The following RORA variants were observed in gnomAD, a reference collection of about 807,000 sequenced individuals.
RORA encodes the protein RAR related orphan receptor A.
In RORA, 7 loss-of-function variants were observed where a neutral mutation model predicts 69.5. The ratio of observed to expected loss-of-function variants is 0.10; its 90% confidence interval spans 0.06 to 0.19. The LOEUF is 0.19. RORA is among the 10% of genes least tolerant of loss of function. RORA has a pLI of 1.00. For synonymous variants in RORA, 261 were observed against 240.8 expected (o/e 1.08, Z -0.78); for missense variants, 457 against 663.0 (o/e 0.69, Z 3.41).
chr15:60,500,743 G>A (rs7183916), intron 9 of RORA, among the ~76,000 whole-genome samples: 113,930 of 152,094 alleles, frequency 0.75, 43,739 homozygotes, highest in East Asian at 0.95. Context: ...CATTTTGTCT[G>A]AAAGGCATGA....
chr15:61,164,061 T>C (rs2079519909), intron 1 of RORA, among the ~76,000 whole-genome samples: 1 of 152,080 alleles, frequency 6.6e-6, no homozygotes, highest in African/African-American at 2.4e-5. Flanking sequence ...CAACTGGAGG[T>C]TTCATCTCTC....
intron 1 of RORA, among the ~76,000 whole-genome samples, chr15:60,955,471 A>G (rs1893239956): frequency 1.3e-5 from 2 of 152,218 alleles, no homozygotes; most frequent in Non-Finnish European, 2.9e-5. Context: ...GCAGACCTCC[A>G]TAAGACCTCC....
intron 1 of RORA, among the ~76,000 whole-genome samples, chr15:60,782,455 A>G (rs1244415023): frequency 1.3e-5 from 2 of 152,220 alleles, no homozygotes; most frequent in Non-Finnish European, 2.9e-5. Context: ...GGACAGCAGA[A>G]TAAACAAATA....
In RORA at chr15:60,506,561, G is replaced by T. The variant is rs1393719315; in HGVS notation, c.821-932C>A. On this transcript the variant is annotated intron_variant, in intron 5 of 10. Coordinates refer to ENST00000335670, the MANE Select transcript of RORA (RefSeq NM_134261.3). ...AAAAGTAATTGAAGCTGTCAGAAAA[G>T]GAAGAGATTGGCTGGGTGTGGTGGC... is the stretch of plus-strand genomic sequence containing the variant. Among the ~76,000 whole-genome samples the T allele has an allele frequency of 4.6e-5, 7 of 152,134 alleles. No individual in the cohort carries two copies. The South Asian group carries it at 1.2e-3, about 27-fold the overall frequency.
In RORA at chr15:60,815,804, A is replaced by C. The variant is rs186775955; in HGVS notation, c.167-137118T>G. Among the ~76,000 whole-genome samples, 800 of 151,400 alleles carry C rather than the reference A, an allele frequency of 5.3e-3. 2 individuals are homozygous for C. Among genetic ancestry groups the C allele is most frequent in the Non-Finnish European group, 8.7e-3 (588 of 67,872 alleles). On this transcript the variant is annotated intron_variant, in intron 1 of 10. Transcript: ENST00000335670. ...TTCCTCCATTCTGATCTTTTAAAAA[A>C]AATTTTATATTTCATTGACAATAAT...
chr15:60,725,099 A>G (rs1265207290), intron 1 of RORA, among the ~76,000 whole-genome samples: 4 of 152,202 alleles, frequency 2.6e-5, no homozygotes, highest in Non-Finnish European at 5.9e-5. Context: ...GCGATTATAA[A>G]ATTGACTTAA....
intron 1 of RORA, among the ~76,000 whole-genome samples, chr15:61,050,712 C>T (rs1317807163): frequency 1.3e-5 from 2 of 152,168 alleles, no homozygotes; most frequent in African/African-American, 2.4e-5. Flanking sequence ...CCTTCTCCTG[C>T]GATAAGAGTA....
At chr15:61,040,151 T>G (rs1896684461) in intron 1 of RORA, among the ~76,000 whole-genome samples, 1 of 112,010 alleles carries the variant, frequency 8.9e-6, no homozygotes, top group African/African-American at 3.2e-5. Flanking sequence ...TATATATATA[T>G]ATATATATAT....
At chr15:60,513,986 A>G (rs4775276) in intron 4 of RORA, among the ~76,000 whole-genome samples, 79,493 of 152,134 alleles carry the variant, frequency 0.52, 22,677 homozygotes, top group East Asian at 0.85. Context: ...TTGATTATTC[A>G]GTGCACTTAA....
intron 2 of RORA, among the ~76,000 whole-genome samples, chr15:60,573,374 C>T (rs1003906281): frequency 3.3e-5 from 5 of 152,180 alleles, no homozygotes; most frequent in Non-Finnish European, 7.4e-5. Flanking sequence ...AGAGGCAGAG[C>T]GGCCGCACAG....
At chr15:60,902,132 T>C (rs1033785091) in intron 1 of RORA, among the ~76,000 whole-genome samples, 1 of 152,206 alleles carries the variant, frequency 6.6e-6, no homozygotes, top group African/African-American at 2.4e-5. Context: ...AATACAGTTC[T>C]AACTCGATTT....
chr15:60,726,625 G>A (rs559438246), intron 1 of RORA, among the ~76,000 whole-genome samples: 5 of 152,206 alleles, frequency 3.3e-5, no homozygotes, highest in Non-Finnish European at 5.9e-5. Flanking sequence ...TTTGCTTTGC[G>A]TAGGCCCCGC....
intron 1 of RORA, among the ~76,000 whole-genome samples, chr15:60,804,087 G>C (rs1172093405): frequency 6.6e-6 from 1 of 151,944 alleles, no homozygotes; most frequent in East Asian, 1.9e-4. Flanking sequence ...TCGGGAGTTC[G>C]AGACCAGCCT....
At chr15:60,548,920 T>C (rs759015766) in intron 2 of RORA, among the ~76,000 whole-genome samples, 3 of 152,186 alleles carry the variant, frequency 2.0e-5, no homozygotes, top group African/African-American at 7.2e-5. Context: ...CCACCGCGCC[T>C]GGCCAATAGC....
chr15:60,566,859 A>G (rs1402110370), intron 2 of RORA, among the ~76,000 whole-genome samples: 1 of 152,126 alleles, frequency 6.6e-6, no homozygotes, highest in Non-Finnish European at 1.5e-5. Context: ...AGTGGAGCAA[A>G]TGGCTCAATA....
In RORA at chr15:61,229,230, A is replaced by T; in HGVS notation, c.-12T>A. The T allele has an allele frequency of 7.7e-7, 1 of 1,290,400 alleles. No individual in the cohort carries two copies. The highest frequency in any genetic ancestry group is 4.9e-5 in the East Asian group (1 of 20,578). The allele number at this position is 1,290,400 out of a possible 1,614,324, so 79.9% of individuals were successfully genotyped here. ...GGAGCTGACTCCATGTTTTTTCCCA[A>T]TGTAGAGATCGCTGGAGATGGCGAG... On this transcript the variant is annotated 5_prime_UTR_variant, in exon 1 of 11. It adds an upstream start codon to the 5' untranslated region. Coordinates refer to ENST00000335670, the MANE Select transcript of RORA (RefSeq NM_134261.3).
intron 1 of RORA, among the ~76,000 whole-genome samples, chr15:60,782,374 G>C (rs978479948): frequency 6.6e-6 from 1 of 152,134 alleles, no homozygotes; most frequent in Non-Finnish European, 1.5e-5. Context: ...AAGTGTTAAA[G>C]TACACAACTG....
intron 1 of RORA, among the ~76,000 whole-genome samples, chr15:61,039,658 T>C (rs1896637358): frequency 6.7e-6 from 1 of 148,582 alleles, no homozygotes; most frequent in Non-Finnish European, 1.5e-5. Context: ...GGCAGGCGAA[T>C]CACTTGAACC....
chr15:60,900,640 G>A (rs757766015), intron 1 of RORA, among the ~76,000 whole-genome samples: 2 of 152,124 alleles, frequency 1.3e-5, no homozygotes. Context: ...CTGGGAGGCC[G>A]AGGCGGGTGC....
Sources: gnomAD v4.1 joint callset for allele counts (sites outside exome capture counted in the v4.1 genomes callset) on GRCh38, gnomAD v4.1.1 for gene constraint, MANE v1.5 for transcripts, NCBI Gene and HGNC (gene_info 2026-07-23, HGNC 2026-07-21) for gene names.